Variants in CEP350 observed in about 807,000 individuals in gnomAD.
The protein encoded by CEP350 is centrosome-associated protein 350.
CEP350 carries 126 observed loss-of-function variants against 331.8 expected under a neutral mutation model. The observed-to-expected ratio is 0.38, with a 90% CI of 0.33 to 0.44. The LOEUF (loss-of-function observed/expected upper bound fraction) is 0.44. Ranked by LOEUF, CEP350 falls within the 20% of genes least tolerant of loss-of-function variation. The pLI, the probability that CEP350 is intolerant of heterozygous loss-of-function variation, is 1.00. For synonymous variants in CEP350, 1,200 were observed against 1,259.5 expected (o/e 0.95, Z 1.00); for missense variants, 3,406 against 3,634.6 (o/e 0.94, Z 1.62).
In CEP350 at chr1:180,014,595, G is replaced by T. The variant is rs751274086; in HGVS notation, c.2052+90G>T. ...ATTTAAAAATTACCCATCATTCCTA[G>T]TATGCTCAGATAATACTTATAATAA... On this transcript the variant is annotated intron_variant, in intron 10 of 37. Transcript: ENST00000367607. 3.3e-6 allele frequency: 4 copies of T among 1,200,306 alleles called. No homozygotes were observed. In the African/African-American group the frequency reaches 6.1e-5, roughly 18 times the overall value. 74.4% of individuals were successfully genotyped at this position (1,200,306 alleles called of 1,614,324 possible).
intron 1 of CEP350, among the ~76,000 whole-genome samples, chr1:179,972,941 C>T (rs1651565214): frequency 6.6e-6 from 1 of 150,988 alleles, no homozygotes; most frequent in Non-Finnish European, 1.5e-5. Flanking sequence ...GATCTCGGCT[C>T]ACTGCAAGCT....
rs1655234859 is a variant in CEP350, at chr1:180,020,233, G to A, written c.2459G>A (p.Ser820Asn). The part of the protein sequence containing the change: ...LLKPSASQYK[S>N]KLDRIEALKA... ...AAACCTAGTGCCAGCCAATATAAGA[G>A]TAAACTGGATCGTATTGAAGCCTTG... Residue 820 changes from serine to asparagine, a missense_variant, in exon 12 of 38, where the codon AGT becomes AAT. This residue lies in a region of CEP350 where 1,857 missense variants were observed against 1,909.2 expected (regional missense o/e 0.97). Coordinates refer to ENST00000367607, the MANE Select transcript of CEP350 (RefSeq NM_014810.5). 5 of 1,614,020 alleles carry A rather than the reference G, an allele frequency of 3.1e-6. No individual in the cohort carries two copies. Among genetic ancestry groups the A allele is most frequent in the Non-Finnish European group, 4.2e-6 (5 of 1,179,882 alleles).
chr1:180,069,699 A>G (rs751939076), intron 27 of CEP350, among the ~76,000 whole-genome samples: 29 of 152,204 alleles, frequency 1.9e-4, no homozygotes, highest in Non-Finnish European at 2.4e-4. Context: ...TTTTCTTTTC[A>G]GTCAGAACTA....
chr1:180,041,600 AT>A, intron 18 of CEP350, 61 bp from the exon 19 acceptor site: 1 of 1,414,096 alleles, frequency 7.1e-7, no homozygotes, highest in Non-Finnish European at 9.5e-7. Context: ...ATAAATTAAA[AT>A]TAATTCAGGA....
At position 180,095,840 on chromosome 1, in the gene CEP350, T is replaced by A. The variant is rs1338565319; in HGVS notation, c.8829T>A (p.Asp2943Glu). 2.5e-6 allele frequency: 4 copies of A among 1,613,832 alleles called. No homozygotes were observed. In the African/African-American group the frequency reaches 5.3e-5, roughly 22 times the overall value. The change falls in exon 35 of 38, where the codon GAT becomes GAA. Residue 2943 changes from aspartate to glutamate, a missense_variant. Transcript: ENST00000367607. ...ELWKWKELGHDLHSISIPTKL... is the reference protein window; with the variant it reads ...ELWKWKELGHELHSISIPTKL... ...GGAAATGGAAAGAATTAGGCCACGA[T>A]CTTCATAGCATCAGTATTCCTACAA...
intron 17 of CEP350, among the ~76,000 whole-genome samples, chr1:180,037,548 A>AG: frequency 6.6e-6 from 1 of 152,222 alleles, no homozygotes; most frequent in South Asian, 2.1e-4. Flanking sequence ...CTCTTCCCTT[A>AG]GTGGAGATGC....
At chr1:180,035,102 A>G (rs1656264075) in intron 16 of CEP350, among the ~76,000 whole-genome samples, 1 of 152,196 alleles carries the variant, frequency 6.6e-6, no homozygotes, top group Non-Finnish European at 1.5e-5. Flanking sequence ...TTAGGGACCA[A>G]GATAGAAGAT....
At chr1:179,978,548 C>A (rs548386215) in intron 1 of CEP350, among the ~76,000 whole-genome samples, 2 of 152,184 alleles carry the variant, frequency 1.3e-5, no homozygotes, top group South Asian at 4.2e-4. Flanking sequence ...CCTTAACCCC[C>A]CTCCCAGCCC....
rs139907628 is a variant in CEP350, at chr1:180,068,735, T to C, written c.5567+3463T>C. On this transcript the variant is annotated intron_variant, in intron 27 of 37. Coordinates refer to ENST00000367607, the MANE Select transcript of CEP350 (RefSeq NM_014810.5). ...TTATTTATTAATTATACACTTACTC[T>C]CTCAGCAATTGTTTATTGATTAATG... Among the ~76,000 whole-genome samples, 10 of 152,314 alleles carry C rather than the reference T, an allele frequency of 6.6e-5. No homozygotes were observed. The East Asian group carries it at 1.9e-3, about 29-fold the overall frequency.
chr1:180,108,204 T>C (rs1186760703), intron 37 of CEP350, among the ~76,000 whole-genome samples: 7 of 152,154 alleles, frequency 4.6e-5, no homozygotes, highest in Admixed American at 4.6e-4. Context: ...GGGGGCTGCA[T>C]TGAGGTTACA....
chr1:180,057,086 T>G (rs970471796), intron 25 of CEP350, among the ~76,000 whole-genome samples: 6 of 151,688 alleles, frequency 4.0e-5, no homozygotes, highest in Non-Finnish European at 1.5e-5. Context: ...TACCCTTTAA[T>G]CTACTTTTCT....
chr1:179,995,177 C>T (rs186530659), intron 5 of CEP350, among the ~76,000 whole-genome samples: 64 of 152,286 alleles, frequency 4.2e-4, no homozygotes, highest in African/African-American at 1.3e-3. Flanking sequence ...CTGTTTCAGA[C>T]GTTCAGGTCC....
chr1:180,090,120 A>AAAGGCG (rs1558151962), intron 32 of CEP350, among the ~76,000 whole-genome samples: 2 of 151,976 alleles, frequency 1.3e-5, no homozygotes, highest in Non-Finnish European at 2.9e-5. Context: ...GAGGAAAGGC[A>AAAGGCG]GTTAGGATGG....
intron 2 of CEP350, 125 bp downstream of exon 2, chr1:179,986,379 A>T (rs1408757447): frequency 1.7e-6 from 1 of 585,986 alleles, no homozygotes; most frequent in East Asian, 3.0e-5. Flanking sequence ...ATCATTTTAA[A>T]ATTCTCTTAT....
At chr1:180,049,089 G>A (rs1319058002) in intron 22 of CEP350, among the ~76,000 whole-genome samples, 1 of 152,092 alleles carries the variant, frequency 6.6e-6, no homozygotes, top group Non-Finnish European at 1.5e-5. Context: ...AGTAAATAAA[G>A]TGGCAAACAA....
At chr1:180,032,638 T>C (rs1473182345) in intron 15 of CEP350, among the ~76,000 whole-genome samples, 4 of 152,038 alleles carry the variant, frequency 2.6e-5, no homozygotes, top group African/African-American at 7.2e-5. Flanking sequence ...TAACCTCTTT[T>C]TTTTTTTTCC....
chr1:180,101,184 A>G (rs1660783700), intron 37 of CEP350, among the ~76,000 whole-genome samples: 1 of 152,154 alleles, frequency 6.6e-6, no homozygotes. Context: ...ATAATAAAGT[A>G]TATATTATGT....
chr1:179,998,173 A>AT (rs1653598289), intron 6 of CEP350, among the ~76,000 whole-genome samples: 2 of 151,436 alleles, frequency 1.3e-5, no homozygotes, highest in African/African-American at 4.8e-5. Context: ...TTCATGTTAG[A>AT]TTTTTGTTAT....
Position 179,982,913 on chromosome 1 carries a change from C to T in CEP350, c.-13-3256C>T, listed in dbSNP as rs536768318. ...TCAAACGATTCTCCTGCCTCAGCCTCGTGAGTAGCTGGGATTACAGGCACC... is the reference window on the plus strand; with the variant it reads ...TCAAACGATTCTCCTGCCTCAGCCTTGTGAGTAGCTGGGATTACAGGCACC... On this transcript the variant is annotated intron_variant, in intron 1 of 37. Transcript: ENST00000367607. Among the ~76,000 whole-genome samples, 264 of 152,212 alleles carry T rather than the reference C, an allele frequency of 1.7e-3. 1 individual carries two copies. The highest frequency in any genetic ancestry group is 1.5e-3 in the South Asian group (7 of 4,824).
Sources: allele counts gnomAD v4.1 joint callset (sites outside exome capture counted in the v4.1 genomes callset), GRCh38; gene constraint gnomAD v4.1.1; regional missense constraint gnomAD v4.1.1; transcripts MANE v1.5; gene names NCBI Gene and HGNC (gene_info 2026-07-23, HGNC 2026-07-21).